TARS1: variants seen among roughly 807,000 people sequenced by gnomAD.
TARS1 encodes threonyl-tRNA synthetase 1.
Under a neutral mutation model 97.7 loss-of-function variants are expected in TARS1, and 57 were observed. The ratio of observed to expected loss-of-function variants is 0.58; its 90% CI spans 0.47 to 0.73. The LOEUF (loss-of-function observed/expected upper bound fraction) is 0.73, where lower values mean the gene tolerates loss of function less well. Among genes scored for constraint, TARS1 ranks in the 30% least tolerant of loss-of-function variants. The probability of loss-of-function intolerance (pLI) is 0.00; values close to 1 mark genes in which losing one functional copy is unlikely to be tolerated. For missense variants in TARS1, 806 were observed against 888.3 expected, an observed-to-expected ratio of 0.91 and a Z score of 1.18; for synonymous variants, 312 against 293.7, an observed-to-expected ratio of 1.06 and a Z score of -0.64.
chr5:33,442,396 TATTC>T (rs1741154454), intron 1 of TARS1, among the ~76,000 whole-genome samples: 1 of 150,666 alleles, frequency 6.6e-6, no homozygotes, highest in Non-Finnish European at 1.5e-5. Flanking sequence ...TCTCCTGTGC[TATTC>T]TTAATTGGAC....
At position 33,458,585 on chromosome 5, in the gene TARS1, T is replaced by C. The variant is rs1172433396; in HGVS notation, c.1004T>C (p.Phe335Ser). 1.9e-6 allele frequency: 3 copies of C among 1,613,370 alleles called. No homozygotes were observed. The highest frequency in any genetic ancestry group is 1.1e-5 in the South Asian group (1 of 90,954). The change falls in exon 10 of 19, where the codon TTT becomes TCT. Residue 335 changes from phenylalanine (F) to serine (S), a missense_variant. Coordinates refer to ENST00000265112, the MANE Select transcript of TARS1 (RefSeq NM_152295.5). Reference protein sequence around the residue: ...KIGRDQELYFFHELSPGSCFF... With the variant: ...KIGRDQELYFSHELSPGSCFF... The stretch of plus-strand genomic sequence containing the variant: ...ACCCAGGACCAAGAACTATATTTCT[T>C]TCATGAACTCAGCCCTGGAAGTTGC...
At chr5:33,445,237 A>G (rs1579574482) in intron 1 of TARS1, 87 bp from the exon 2 acceptor site, 1 of 1,003,816 alleles carries the variant, frequency 1.0e-6, no homozygotes, top group Non-Finnish European at 1.5e-6. Flanking sequence ...AACAAATACT[A>G]AAATAACATT....
At chr5:33,461,542 G>A (rs2111581062) in intron 13 of TARS1, 125 bp from the exon 14 acceptor site, 1 of 1,089,486 alleles carries the variant, frequency 9.2e-7, no homozygotes, top group East Asian at 2.5e-5. Flanking sequence ...ATGTTCAGGT[G>A]GACAAAATTC....
Position 33,467,731 on chromosome 5 carries a change from T to A in TARS1, c.*23T>A. 6.3e-7 allele frequency: 1 copy of A among 1,599,816 alleles called. No individual in the cohort carries two copies. Among genetic ancestry groups the A allele is most frequent in the East Asian group, 2.2e-5 (1 of 44,656 alleles). On this transcript the variant is annotated 3_prime_UTR_variant, in exon 19 of 19. Transcript: ENST00000265112. ...TAATGAAAAAATTACCCAGATTGGC[T>A]CCATGGAAAAGGAGGAACAGCGTTT...
intron 2 of TARS1, 48 bp from the exon 3 acceptor site, chr5:33,448,493 G>T: frequency 7.2e-7 from 1 of 1,394,990 alleles, no homozygotes. Context: ...AAATAGGAAA[G>T]CAATATTTAC....
chr5:33,461,929 G>C lies in TARS1; in HGVS notation c.1653G>C (p.Ala551=), dbSNP rs3736393. The C allele has an allele frequency of 2.5e-6, 4 of 1,613,722 alleles. No individual in the cohort carries two copies. The highest frequency in any genetic ancestry group is 2.7e-5 in the African/African-American group (2 of 74,920). The part of the protein sequence containing the change: ...GPKIDIQIKD[A]IGRYHQCATI... ...AGATTGACATACAGATTAAAGATGC[G>C]ATTGGGCGGTACCACCAGTGTGCAA... Residue 551 remains alanine (A), a synonymous_variant, in exon 15 of 19, where the codon GCG becomes GCC. Coordinates refer to ENST00000265112, the MANE Select transcript of TARS1 (RefSeq NM_152295.5).
chr5:33,465,639 T>A (rs1456853726), intron 17 of TARS1, among the ~76,000 whole-genome samples: 1 of 152,346 alleles, frequency 6.6e-6, no homozygotes, highest in South Asian at 2.1e-4. Flanking sequence ...ACAGGTTAAT[T>A]GGTTCGTGAT....
chr5:33,454,929 T>C lies in TARS1; in HGVS notation c.454-16T>C. On this transcript the variant is annotated splice_polypyrimidine_tract_variant and intron_variant, in intron 4 of 18. Coordinates refer to ENST00000265112, the MANE Select transcript of TARS1 (RefSeq NM_152295.5). ...TGCCAAGACTCAGACCATGCCATTT[T>C]TCTTTAAATTTTCAGGTGTATTGGC... 1 of 1,612,402 alleles carries C rather than the reference T, an allele frequency of 6.2e-7. No homozygotes were observed. The highest frequency in any genetic ancestry group is 8.5e-7 in the Non-Finnish European group (1 of 1,179,206).
At chr5:33,463,486 A>G (rs1010044337) in intron 16 of TARS1, among the ~76,000 whole-genome samples, 2 of 152,244 alleles carry the variant, frequency 1.3e-5, no homozygotes, top group South Asian at 2.1e-4. Context: ...GCCTAGTCCT[A>G]TCCTCAATTT....
At chr5:33,443,649 C>T (rs911596493) in intron 1 of TARS1, among the ~76,000 whole-genome samples, 2 of 151,886 alleles carry the variant, frequency 1.3e-5, no homozygotes, top group African/African-American at 2.4e-5. Flanking sequence ...CCCGCCACCA[C>T]GCCCGGCTAA....
At chr5:33,448,897 G>C (rs1741565018) in intron 3 of TARS1, among the ~76,000 whole-genome samples, 166 bp downstream of exon 3, 1 of 152,100 alleles carries the variant, frequency 6.6e-6, no homozygotes, top group Non-Finnish European at 1.5e-5. Flanking sequence ...AAATGATACA[G>C]AGCTTTGTAG....
intron 1 of TARS1, among the ~76,000 whole-genome samples, chr5:33,443,334 T>TAGA (rs1741228576): frequency 8.3e-6 from 1 of 121,028 alleles, no homozygotes; most frequent in African/African-American, 3.3e-5. Context: ...TCTCTCTCTC[T>TAGA]CTCTCTCTCT....
rs200841623 is a variant in TARS1 at position 33,444,955 on chromosome 5, GT to G, written c.58-356del. ...AATTCATGGGCACACTTTGCATTCA[GT>G]TTTTTTTTTTTTCCCCTGGAAATAT... On this transcript the variant is annotated intron_variant, in intron 1 of 18. Transcript: ENST00000265112. Among the ~76,000 whole-genome samples, 535 of 145,358 alleles carry G rather than the reference GT, an allele frequency of 3.7e-3. 3 individuals are homozygous for G. Among genetic ancestry groups the G allele is most frequent in the East Asian group, 0.023 (113 of 4,990 alleles).
At position 33,443,314 on chromosome 5, in the gene TARS1, TCTCTCC is replaced by T. The variant is rs1256401653; in HGVS notation, c.58-2004_58-1999del. 5.7e-3 allele frequency among the ~76,000 whole-genome samples: 713 copies of T among 125,360 alleles called. 20 individuals are homozygous for T. The highest frequency in any genetic ancestry group is 0.032 in the East Asian group (126 of 3,938). The allele number at this position is 125,360 out of a possible 152,430, so 82.2% of individuals were successfully genotyped here. A position where few individuals can be genotyped will look rare whatever the true frequency, so the allele number is the denominator to read the frequency against. On this transcript the variant is annotated intron_variant, in intron 1 of 18. Coordinates refer to ENST00000265112, the MANE Select transcript of TARS1 (RefSeq NM_152295.5). ...AACCTTTGTGGTGATTCCCTCTCTCTCTCTCCCTCTCTCTCTCTCTCTCTCTCTCTC... is the reference window on the plus strand; with the variant it reads ...AACCTTTGTGGTGATTCCCTCTCTCTCTCTCTCTCTCTCTCTCTCTCTCTC...
At chr5:33,443,303 TTCCCTCTCTCTCTCTCCCTCTCTC>T (rs1284887765) in intron 1 of TARS1, among the ~76,000 whole-genome samples, 3 of 100,624 alleles carry the variant, frequency 3.0e-5, no homozygotes, top group East Asian at 5.2e-4. Flanking sequence ...TTTGTGGTGA[TTCCCTCTCTCTCTCTCCCTCTCTC>T]TCTCTCTCTC....
chr5:33,444,214 A>G (rs1741297924), intron 1 of TARS1, among the ~76,000 whole-genome samples: 1 of 152,252 alleles, frequency 6.6e-6, no homozygotes, highest in Non-Finnish European at 1.5e-5. Flanking sequence ...GCAAATCTAT[A>G]GAAACAGAAA....
chr5:33,451,996 A>G (rs989778159), intron 3 of TARS1, among the ~76,000 whole-genome samples: 3 of 152,236 alleles, frequency 2.0e-5, no homozygotes, highest in African/African-American at 7.2e-5. Flanking sequence ...GAAAGAAAAC[A>G]TTGTTTATAA....
rs1339177108 is a variant in TARS1 at position 33,466,957 on chromosome 5, ACAGTT to A, written c.1996_2000del (p.Gln666SerfsTer4). 6.3e-7 allele frequency: 1 copy of A among 1,592,176 alleles called. No individual in the cohort carries two copies. Among genetic ancestry groups the A allele is most frequent in the Admixed American group, 1.8e-5 (1 of 56,780 alleles). On this transcript the variant is annotated frameshift_variant, in exon 18 of 19. Transcript: ENST00000265112. LOFTEE classifies it low-confidence loss of function (END_TRUNC). The stretch of plus-strand genomic sequence containing the variant: ...CATTGAATAAAAAGATTCGAAATGC[ACAGTT>A]AGCACAGTATAACTTCATTTTAGGT...
chr5:33,451,652 C>T (rs981776706), intron 3 of TARS1, among the ~76,000 whole-genome samples: 1 of 152,138 alleles, frequency 6.6e-6, no homozygotes, highest in African/African-American at 2.4e-5. Flanking sequence ...GGATTACAGG[C>T]GTGAGCCACT....
Sources: gnomAD v4.1 joint callset for allele counts (sites outside exome capture counted in the v4.1 genomes callset) on GRCh38, gnomAD v4.1.1 for gene constraint, MANE v1.5 for transcripts, NCBI Gene and HGNC (gene_info 2026-07-23, HGNC 2026-07-21) for gene names.